Variants in UGDH observed in about 807,000 individuals in gnomAD.
UGDH encodes UDP-glucose 6-dehydrogenase, also known as UDP-Glc dehydrogenase.
Under a neutral mutation model 50.6 loss-of-function variants are expected in UGDH, and 38 were observed. The observed-to-expected ratio is 0.75, with a 90% CI of 0.58 to 0.98. UGDH has a LOEUF of 0.98. Ranked by LOEUF, UGDH falls within the 50% of genes least tolerant of loss-of-function variation. The probability of loss-of-function intolerance (pLI) is 0.00; values close to 1 mark genes in which losing one functional copy is unlikely to be tolerated. For missense variants in UGDH, 465 were observed against 606.2 expected (o/e 0.77, Z 2.45); for synonymous variants, 168 against 199.9 (o/e 0.84, Z 1.35).
rs1745686101 is a variant in UGDH at position 39,498,910 on chromosome 4, A to G, written c.*1233T>C. ...AATGCAAACTGTACATTCTCAGCAG[A>G]GCACAAGTATCAAAGGGACATTGGA... is the stretch of plus-strand genomic sequence containing the variant. On this transcript the variant is annotated 3_prime_UTR_variant, in exon 12 of 12. Coordinates refer to ENST00000316423, the MANE Select transcript of UGDH (RefSeq NM_003359.4). 6.6e-6 allele frequency: 1 copy of G among 152,224 alleles called. No homozygotes were observed. The highest frequency in any genetic ancestry group is 1.5e-5 in the Non-Finnish European group (1 of 68,042). 9.4% of individuals were successfully genotyped at this position (152,224 alleles called of 1,614,324 possible).
intron 2 of UGDH, 69 bp downstream of exon 2, chr4:39,521,282 G>A (rs1746650084): frequency 7.4e-7 from 1 of 1,358,886 alleles, no homozygotes; most frequent in Non-Finnish European, 9.8e-7. Context: ...TATTAATAGT[G>A]CATATAAATG....
At chr4:39,505,205 C>T (rs775864129) in intron 9 of UGDH, 32 bp downstream of exon 9, 1 of 1,564,514 alleles carries the variant, frequency 6.4e-7, no homozygotes, top group African/African-American at 1.4e-5. Flanking sequence ...CAGGTCTGGA[C>T]TCAAAATGAT....
At chr4:39,512,819 ATTTTTTT>A (rs386399849) in intron 3 of UGDH, among the ~76,000 whole-genome samples, 1 of 135,862 alleles carries the variant, frequency 7.4e-6, no homozygotes, top group Non-Finnish European at 1.6e-5. Flanking sequence ...AAGAGACTGA[ATTTTTTT>A]TTTTTTTTTT....
rs77838464 is a variant in UGDH, at chr4:39,500,106, A to C, written c.*37T>G. On this transcript the variant is annotated 3_prime_UTR_variant, in exon 12 of 12. Transcript: ENST00000316423. ...ATATTTGCTATCCTGAAGTACCAAAAAAAAAAAAAAAAAATCACAAATAAA... is the reference window on the plus strand; with the variant it reads ...ATATTTGCTATCCTGAAGTACCAAACAAAAAAAAAAAAAATCACAAATAAA... The C allele has an allele frequency of 4.4e-6, 2 of 454,096 alleles. No individual in the cohort carries two copies. Among genetic ancestry groups the C allele is most frequent in the East Asian group, 7.2e-5 (1 of 13,878 alleles). The allele number at this position is 454,096 out of a possible 1,614,324, so 28.1% of individuals were successfully genotyped here. A position where few individuals can be genotyped will look rare whatever the true frequency, so the allele number is the denominator to read the frequency against.
At chr4:39,503,359 CTT>C (rs1315853312) in intron 11 of UGDH, among the ~76,000 whole-genome samples, 3 of 152,280 alleles carry the variant, frequency 2.0e-5, no homozygotes, top group African/African-American at 7.2e-5. Flanking sequence ...AGTTGACAAA[CTT>C]TGAATCAGAA....
rs33942301 is a variant in UGDH at position 39,505,377 on chromosome 4, GA to G, written c.1038-8del. 0.14 allele frequency: 201,614 copies of G among 1,432,370 alleles called. 19,605 individuals carry two copies. The highest frequency in any genetic ancestry group is 0.47 in the African/African-American group (31,903 of 68,048). The allele number at this position is 1,432,370 out of a possible 1,614,324, so 88.7% of individuals were successfully genotyped here. ...ATATATACTAGAAGATTCTCTATAG[GA>G]AAAAAAAAATCAGTATTGGTAAGCT... On this transcript the variant is annotated splice_polypyrimidine_tract_variant and splice_region_variant and intron_variant, in intron 8 of 11. Coordinates refer to ENST00000316423, the MANE Select transcript of UGDH (RefSeq NM_003359.4).
At position 39,521,350 on chromosome 4, in the gene UGDH, C is replaced by A; in HGVS notation, c.162+1G>T. On this transcript the variant is annotated splice_donor_variant, in intron 2 of 11. Transcript: ENST00000316423. LOFTEE classifies it high-confidence loss of function. ...AACAAAGAGATGTTTAATATGTTTACCTCATAAATAGGAAGTGTAGGAGAA... is the reference window on the plus strand; with the variant it reads ...AACAAAGAGATGTTTAATATGTTTAACTCATAAATAGGAAGTGTAGGAGAA... 1.2e-6 allele frequency: 2 copies of A among 1,600,800 alleles called. No homozygotes were observed. Among genetic ancestry groups the A allele is most frequent in the South Asian group, 1.1e-5 (1 of 87,960 alleles).
intron 2 of UGDH, among the ~76,000 whole-genome samples, chr4:39,520,201 T>C (rs1286351019): frequency 6.6e-6 from 1 of 151,944 alleles, no homozygotes; most frequent in Non-Finnish European, 1.5e-5. Flanking sequence ...TAGCTGGGAG[T>C]GGTGGTGGGC....
At chr4:39,519,850 C>T (rs1053519339) in intron 2 of UGDH, among the ~76,000 whole-genome samples, 6 of 152,080 alleles carry the variant, frequency 3.9e-5, no homozygotes, top group Admixed American at 3.9e-4. Flanking sequence ...TATTTCAATC[C>T]TAAATCTGAT....
At chr4:39,514,233 T>A in intron 2 of UGDH, 49 bp from the exon 3 acceptor site, 5 of 1,326,804 alleles carry the variant, frequency 3.8e-6, no homozygotes, top group Non-Finnish European at 3.2e-6. Context: ...GCCAGTGATA[T>A]GAGATAACCT....
chr4:39,524,933 T>C (rs962631189), intron 1 of UGDH, among the ~76,000 whole-genome samples: 11 of 152,254 alleles, frequency 7.2e-5, no homozygotes, highest in Non-Finnish European at 1.3e-4. Context: ...AGACTACTGA[T>C]GGCAGGTGAA....
intron 3 of UGDH, among the ~76,000 whole-genome samples, chr4:39,512,819 A>AT (rs386399849): frequency 0.043 from 5,776 of 135,832 alleles, 145 homozygotes; most frequent in Admixed American, 0.067. Context: ...AAGAGACTGA[A>AT]TTTTTTTTTT....
intron 1 of UGDH, chr4:39,526,307 T>C (rs1461260997): frequency 3.3e-5 from 5 of 152,348 alleles, no homozygotes; most frequent in East Asian, 1.9e-4. Flanking sequence ...TATCCAGTTA[T>C]AGATTTTGTT....
At chr4:39,504,290 A>C (rs1745942046) in intron 10 of UGDH, 127 bp downstream of exon 10, 2 of 803,722 alleles carry the variant, frequency 2.5e-6, no homozygotes, top group Non-Finnish European at 3.9e-6. Context: ...CCAGGGCGAC[A>C]GAGCGAGACT....
At chr4:39,505,537 G>A (rs1447136200) in intron 8 of UGDH, 81 bp downstream of exon 8, 2 of 1,298,126 alleles carry the variant, frequency 1.5e-6, no homozygotes, top group Non-Finnish European at 2.0e-6. Context: ...TGTATTTTAT[G>A]TACACCTACC....
Position 39,521,457 on chromosome 4 carries a change from G to C in UGDH, c.56C>G (p.Thr19Arg). ...ACACATATGAGCAATGACACTACAT[G>C]TGGGTCCTCCAACATAGCCTGCACC... ...CIGAGYVGGP[T>R]CSVIAHMCPE... Residue 19 changes from threonine (T) to arginine (R), a missense_variant, in exon 2 of 12, where the codon ACA becomes AGA. Coordinates refer to ENST00000316423, the MANE Select transcript of UGDH (RefSeq NM_003359.4). 6.2e-7 allele frequency: 1 copy of C among 1,612,878 alleles called. No homozygotes were observed. Among genetic ancestry groups the C allele is most frequent in the Non-Finnish European group, 8.5e-7 (1 of 1,179,458 alleles).
In UGDH at chr4:39,527,343, C is replaced by T; in HGVS notation, c.-68G>A. 4.0e-6 allele frequency: 1 copy of T among 249,332 alleles called. No homozygotes were observed. The allele number at this position is 249,332 out of a possible 1,614,324, so 15.4% of individuals were successfully genotyped here. ...TCCCGATCGTTCGGACAGCACCTTC[C>T]TACGGGCCGCGCCGCCGCAGCTTCT... On this transcript the variant is annotated 5_prime_UTR_variant, in exon 1 of 12. Coordinates refer to ENST00000316423, the MANE Select transcript of UGDH (RefSeq NM_003359.4).
chr4:39,509,400 G>A (rs1016859088), intron 6 of UGDH, among the ~76,000 whole-genome samples: 2 of 152,170 alleles, frequency 1.3e-5, no homozygotes, highest in Admixed American at 6.6e-5. Context: ...AGCAGCCATA[G>A]ACAATATGTA....
chr4:39,500,039 A>AC lies in UGDH; in HGVS notation c.*103_*104insG. The AC allele has an allele frequency of 6.0e-6, 4 of 668,348 alleles. No homozygotes were observed. The highest frequency in any genetic ancestry group is 3.0e-5 in the East Asian group (1 of 32,940). 41.4% of individuals were successfully genotyped at this position (668,348 alleles called of 1,614,324 possible). ...TGAGACTCTGTCTCAAAAAAAAAACAAAAAAAAACACTTGGTTCATTTACC... is the reference window on the plus strand; with the variant it reads ...TGAGACTCTGTCTCAAAAAAAAAACACAAAAAAAACACTTGGTTCATTTACC... On this transcript the variant is annotated 3_prime_UTR_variant, in exon 12 of 12. Transcript: ENST00000316423.
Sources: allele counts gnomAD v4.1 joint callset (sites outside exome capture counted in the v4.1 genomes callset), GRCh38; gene constraint gnomAD v4.1.1; transcripts MANE v1.5; gene names NCBI Gene and HGNC (gene_info 2026-07-23, HGNC 2026-07-21).